Variants in IL34 observed in about 807,000 individuals in gnomAD.
IL34 encodes the protein interleukin 34, also known as interleukin-34.
In IL34, 17 loss-of-function variants were observed where a neutral mutation model predicts 25.3. The observed-to-expected ratio is 0.67, with a 90% CI of 0.46 to 1.01. The LOEUF is 1.01. Ranked by LOEUF, IL34 falls within the 50% of genes least tolerant of loss-of-function variation. The pLI, the probability that IL34 is intolerant of heterozygous loss-of-function variation, is 0.00. For synonymous variants in IL34, 174 were observed against 140.9 expected (o/e 1.23, Z -1.66); for missense variants, 368 against 312.9 (o/e 1.18, Z -1.33).
rs763799048 is a variant in IL34 at position 70,580,556 on chromosome 16, G to A, written c.-401+507G>A. ...AATCCCAGCACTCTGGGAGGCGAGC[G>A]GATCACTTGAGGTCAGGAGTTTGAG... On this transcript the variant is annotated intron_variant, in intron 1 of 6. Coordinates refer to the IL34 transcript ENST00000429149. 4.6e-5 allele frequency among the ~76,000 whole-genome samples: 7 copies of A among 152,180 alleles called. 1 individual carries two copies. In the East Asian group the frequency reaches 1.2e-3, roughly 25 times the overall value.
At chr16:70,618,834 A>G (rs1240137553) in intron 1 of IL34, among the ~76,000 whole-genome samples, 2 of 152,174 alleles carry the variant, frequency 1.3e-5, no homozygotes, top group African/African-American at 4.8e-5. Context: ...CTGTCTGTGA[A>G]GCTTTGCAGC....
chr16:70,641,196 C>T (rs8043605), intron 1 of IL34, among the ~76,000 whole-genome samples: 2,055 of 152,202 alleles, frequency 0.014, 46 homozygotes, highest in African/African-American at 0.046. Context: ...TCACTTGGAC[C>T]TGGGAGGCAG....
At position 70,651,819 on chromosome 16, in the gene IL34, G is replaced by A. The variant is rs796568235; in HGVS notation, c.29-2719G>A. On this transcript the variant is annotated intron_variant, in intron 1 of 5. Transcript: ENST00000288098. Reference sequence around the variant, plus strand: ...TTTGTCTGTAACAATAATACATATGGATTATAGAACATAAAAAATGTCCTG... The same window carrying A: ...TTTGTCTGTAACAATAATACATATGAATTATAGAACATAAAAAATGTCCTG... Among the ~76,000 whole-genome samples, 6 of 152,082 alleles carry A rather than the reference G, an allele frequency of 3.9e-5. 1 individual carries two copies. The highest frequency in any genetic ancestry group is 1.4e-4 in the African/African-American group (6 of 41,490).
chr16:70,654,565 T>TG lies in IL34; in HGVS notation c.60dup (p.Asn21GlufsTer2). On this transcript the variant is annotated frameshift_variant, in exon 2 of 6. Coordinates refer to ENST00000288098, the MANE Select transcript of IL34 (RefSeq NM_001393494.1). LOFTEE classifies it high-confidence loss of function. ...CTTGGGATCTTCCTTGGCGTGGCCT[T>TG]GGGGAATGAGCCTTTGGAGATGTGG... The TG allele has an allele frequency of 6.2e-7, 1 of 1,613,162 alleles. No homozygotes were observed. Among genetic ancestry groups the TG allele is most frequent in the South Asian group, 1.1e-5 (1 of 90,952 alleles).
At chr16:70,594,565 G>A (rs887117383) in intron 1 of IL34, among the ~76,000 whole-genome samples, 3 of 152,260 alleles carry the variant, frequency 2.0e-5, no homozygotes, top group South Asian at 2.1e-4. Flanking sequence ...GATTGTATGT[G>A]TATATTCAAG....
rs141405123 is a variant in IL34 at position 70,648,257 on chromosome 16, C to T, written c.28+1282C>T. On this transcript the variant is annotated intron_variant, in intron 1 of 5. Transcript: ENST00000288098. ...GAGGGTCATTCTGGAGGTGGAGGTGCGAATGAAAGGCAAGGGATGCTGGGC... is the reference window on the plus strand; with the variant it reads ...GAGGGTCATTCTGGAGGTGGAGGTGTGAATGAAAGGCAAGGGATGCTGGGC... Among the ~76,000 whole-genome samples, 13 of 152,196 alleles carry T rather than the reference C, an allele frequency of 8.5e-5. No individual in the cohort carries two copies. In the East Asian group the frequency reaches 9.7e-4, roughly 11 times the overall value.
At chr16:70,585,936 C>T (rs1200989129) in intron 1 of IL34, among the ~76,000 whole-genome samples, 1 of 151,534 alleles carries the variant, frequency 6.6e-6, no homozygotes, top group African/African-American at 2.4e-5. Context: ...CAGGTTCACG[C>T]CATTCTCCTG....
At chr16:70,589,605 T>C (rs548928190) in intron 1 of IL34, among the ~76,000 whole-genome samples, 1 of 151,152 alleles carries the variant, frequency 6.6e-6, no homozygotes, top group South Asian at 2.1e-4. Flanking sequence ...TTTCACCTTA[T>C]GTGTTTTTTT....
intron 1 of IL34, among the ~76,000 whole-genome samples, chr16:70,597,004 G>GCCGTC (rs1369457295): frequency 6.6e-6 from 1 of 152,052 alleles, no homozygotes; most frequent in African/African-American, 2.4e-5. Context: ...CTCAGTAGAG[G>GCCGTC]CCGTCCCCAG....
upstream of IL34, among the ~76,000 whole-genome samples, chr16:70,644,919 AG>A (rs2051880638): frequency 5.7e-5 from 3 of 52,830 alleles, no homozygotes; most frequent in Non-Finnish European, 9.5e-5. Flanking sequence ...AGGGAGGAGA[AG>A]GAGGAGGAAG....
At chr16:70,644,594 C>T (rs2051862149), upstream of IL34, among the ~76,000 whole-genome samples, 1 of 151,648 alleles carries the variant, frequency 6.6e-6, no homozygotes, top group Non-Finnish European at 1.5e-5. Flanking sequence ...GTAAATTAGC[C>T]CTCAATAAAC....
intron 1 of IL34, among the ~76,000 whole-genome samples, chr16:70,628,066 G>C (rs2051434974): frequency 2.6e-5 from 4 of 152,202 alleles, no homozygotes; most frequent in Admixed American, 2.6e-4. Context: ...AGAAATGTCT[G>C]AGAATTCCAA....
intron 1 of IL34, among the ~76,000 whole-genome samples, chr16:70,617,861 A>G (rs1429259180): frequency 6.6e-6 from 1 of 152,000 alleles, no homozygotes; most frequent in African/African-American, 2.4e-5. Context: ...TATGTCTGAC[A>G]GAAGGGAAGA....
upstream of IL34, among the ~76,000 whole-genome samples, chr16:70,643,958 A>G (rs2051846531): frequency 6.6e-6 from 1 of 152,160 alleles, no homozygotes; most frequent in Admixed American, 6.6e-5. Context: ...TGAAGCTGGA[A>G]TGACAGAAGA....
intron 1 of IL34, among the ~76,000 whole-genome samples, chr16:70,600,969 T>G (rs2050907212): frequency 6.9e-6 from 1 of 143,912 alleles, no homozygotes; most frequent in African/African-American, 2.7e-5. Context: ...CTGGGAGAAG[T>G]AGGGGATGCT....
chr16:70,613,181 T>C (rs2051116948), intron 1 of IL34, among the ~76,000 whole-genome samples: 1 of 152,130 alleles, frequency 6.6e-6, no homozygotes, highest in South Asian at 2.1e-4. Context: ...AAAAAATAAT[T>C]TTGTGAGAAG....
chr16:70,596,380 G>T (rs1263315536), intron 1 of IL34, among the ~76,000 whole-genome samples: 1 of 152,208 alleles, frequency 6.6e-6, no homozygotes, highest in Non-Finnish European at 1.5e-5. Flanking sequence ...AAGGTGGCTA[G>T]GGCATCTCCA....
rs901073841 is a variant in IL34 at position 70,660,405 on chromosome 16, G to T, written c.*218G>T. 63 of 489,852 alleles carry T rather than the reference G, an allele frequency of 1.3e-4. 2 individuals are homozygous for T. The highest frequency in any genetic ancestry group is 3.4e-4 in the Admixed American group (9 of 26,216). The allele number at this position is 489,852 out of a possible 1,614,324, so 30.3% of individuals were successfully genotyped here. A position where few individuals can be genotyped will look rare whatever the true frequency, so the allele number is the denominator to read the frequency against. ...CTCACCTGGAGCGGAGGGGACCTGGGGACCTGAAGGTGGATGGGGACACAG... is the reference window on the plus strand; with the variant it reads ...CTCACCTGGAGCGGAGGGGACCTGGTGACCTGAAGGTGGATGGGGACACAG... On this transcript the variant is annotated 3_prime_UTR_variant, in exon 6 of 6. Transcript: ENST00000288098.
At position 70,638,486 on chromosome 16, in the gene IL34, C is replaced by T. The variant is rs186346346; in HGVS notation, c.-400-8062C>T. Reference sequence around the variant, plus strand: ...AAAAGAAAAGAACTGGAGTCATCCCCTTCCCTGGGGAAACTTTCCTGCCTT... The same window carrying T: ...AAAAGAAAAGAACTGGAGTCATCCCTTTCCCTGGGGAAACTTTCCTGCCTT... On this transcript the variant is annotated intron_variant, in intron 1 of 6. Coordinates refer to the IL34 transcript ENST00000429149. Among the ~76,000 whole-genome samples, 3 of 152,258 alleles carry T rather than the reference C, an allele frequency of 2.0e-5. No homozygotes were observed. The East Asian group carries it at 5.8e-4, about 29-fold the overall frequency.
Sources: gnomAD v4.1 joint callset for allele counts (sites outside exome capture counted in the v4.1 genomes callset) on GRCh38, gnomAD v4.1.1 for gene constraint, MANE v1.5 for transcripts, NCBI Gene and HGNC (gene_info 2026-07-23, HGNC 2026-07-21) for gene names.